Variants in RABGAP1L observed in about 807,000 individuals in gnomAD.
RABGAP1L encodes the protein rab GTPase-activating protein 1-like.
Under a neutral mutation model 137.7 loss-of-function variants are expected in RABGAP1L, and 63 were observed. That is an observed-to-expected ratio of 0.46 (90% CI 0.37 to 0.56). The LOEUF (loss-of-function observed/expected upper bound fraction) is 0.56. Ranked by LOEUF, RABGAP1L falls within the 20% of genes least tolerant of loss-of-function variation. The probability of loss-of-function intolerance (pLI) is 0.00; values close to 1 mark genes in which losing one functional copy is unlikely to be tolerated. For missense variants in RABGAP1L, 1,095 were observed against 1,244.0 expected (o/e 0.88, Z 1.80); for synonymous variants, 431 against 433.7 (o/e 0.99, Z 0.08).
At chr1:174,585,960 G>A (rs1298919723) in intron 13 of RABGAP1L, among the ~76,000 whole-genome samples, 1 of 152,196 alleles carries the variant, frequency 6.6e-6, no homozygotes. Context: ...GTGGAAGACA[G>A]TGTGGTGATT....
At chr1:174,799,264 A>G (rs1558089584) in intron 18 of RABGAP1L, among the ~76,000 whole-genome samples, 1 of 152,198 alleles carries the variant, frequency 6.6e-6, no homozygotes, top group African/African-American at 2.4e-5. Context: ...TTTGCATTGC[A>G]AAGAGTCATT....
Position 174,686,648 on chromosome 1 carries a change from CTT to C in RABGAP1L, c.1899+3078_1899+3079del, listed in dbSNP as rs533716511. On this transcript the variant is annotated intron_variant, in intron 15 of 25. Transcript: ENST00000681986. The stretch of plus-strand genomic sequence containing the variant: ...GAAGCTTTGGTTTGAACAAAGCAAT[CTT>C]TTTTTTTTTTTTTTTTTTTTTTTTT... 8.5e-3 allele frequency among the ~76,000 whole-genome samples: 904 copies of C among 105,788 alleles called. 104 individuals are homozygous for C. The highest frequency in any genetic ancestry group is 0.024 in the African/African-American group (830 of 35,286). The allele number at this position is 105,788 out of a possible 152,430, so 69.4% of individuals were successfully genotyped here.
chr1:174,454,072 G>A (rs938293732), intron 13 of RABGAP1L, among the ~76,000 whole-genome samples: 3 of 152,158 alleles, frequency 2.0e-5, no homozygotes, highest in Non-Finnish European at 2.9e-5. Context: ...AAGCCATCCC[G>A]GCCAAAATGG....
intron 2 of RABGAP1L, 26 bp downstream of exon 2, chr1:174,219,321 T>G: frequency 7.0e-7 from 1 of 1,423,908 alleles, no homozygotes; most frequent in Non-Finnish European, 9.4e-7. Flanking sequence ...CTACATATGG[T>G]ATAATTTTTA....
intron 3 of RABGAP1L, among the ~76,000 whole-genome samples, chr1:174,225,907 T>G (rs914285589): frequency 6.6e-6 from 1 of 152,112 alleles, no homozygotes; most frequent in Non-Finnish European, 1.5e-5. Flanking sequence ...CCTCTTTGCT[T>G]TGGTATTTTA....
intron 17 of RABGAP1L, among the ~76,000 whole-genome samples, chr1:174,747,782 T>C (rs946801672): frequency 3.9e-5 from 6 of 152,112 alleles, no homozygotes; most frequent in Non-Finnish European, 7.4e-5. Flanking sequence ...GGATTATCAT[T>C]ATTAATAATG....
Position 174,988,887 on chromosome 1 carries a change from T to A in RABGAP1L, c.3003+49T>A, listed in dbSNP as rs746348967. 46 of 1,472,264 alleles carry A rather than the reference T, an allele frequency of 3.1e-5. No individual in the cohort carries two copies. The South Asian group carries it at 5.9e-4, about 19-fold the overall frequency. 91.2% of individuals were successfully genotyped at this position (1,472,264 alleles called of 1,614,324 possible). On this transcript the variant is annotated intron_variant, in intron 25 of 25. Coordinates refer to ENST00000681986, the MANE Select transcript of RABGAP1L (RefSeq NM_001366446.1). The stretch of plus-strand genomic sequence containing the variant: ...AGAAGAAAGAATAAACAATTAATGG[T>A]CCAGGATACTCTAGTACTTCAGAAT...
intron 15 of RABGAP1L, among the ~76,000 whole-genome samples, chr1:174,692,551 T>G (rs1678947095): frequency 6.6e-6 from 1 of 152,178 alleles, no homozygotes; most frequent in Non-Finnish European, 1.5e-5. Context: ...GGGACATTCT[T>G]CCTAGTGATA....
chr1:174,430,371 A>T (rs2149194471), intron 13 of RABGAP1L, among the ~76,000 whole-genome samples: 1 of 151,986 alleles, frequency 6.6e-6, no homozygotes, highest in South Asian at 2.1e-4. Flanking sequence ...AAAAAAAAAA[A>T]ATTTTTTTTC....
intron 13 of RABGAP1L, among the ~76,000 whole-genome samples, chr1:174,551,019 T>TATATATATATATAC (rs1553330337): frequency 2.2e-4 from 26 of 116,002 alleles, no homozygotes; most frequent in African/African-American, 1.0e-3. Context: ...TATATATATA[T>TATATATATATATAC]ATACATACAC....
chr1:174,419,872 C>G (rs1418808039), intron 13 of RABGAP1L, among the ~76,000 whole-genome samples: 1 of 152,080 alleles, frequency 6.6e-6, no homozygotes, highest in Non-Finnish European at 1.5e-5. Flanking sequence ...TGGGTTTTGG[C>G]TGTCCGCTTT....
intron 7 of RABGAP1L, among the ~76,000 whole-genome samples, chr1:174,256,084 C>T (rs912253021): frequency 6.6e-6 from 1 of 152,306 alleles, no homozygotes; most frequent in East Asian, 1.9e-4. Flanking sequence ...TCCTTTCCCC[C>T]ACTCCAGTTC....
At chr1:174,769,876 A>C (rs1685979923) in intron 18 of RABGAP1L, among the ~76,000 whole-genome samples, 1 of 152,108 alleles carries the variant, frequency 6.6e-6, no homozygotes. Context: ...AGAAAAGCAA[A>C]AGACCTTGAA....
intron 13 of RABGAP1L, among the ~76,000 whole-genome samples, chr1:174,553,980 G>C (rs957425033): frequency 6.6e-6 from 1 of 152,084 alleles, no homozygotes; most frequent in Non-Finnish European, 1.5e-5. Context: ...GACAGAGTGA[G>C]ACCTTGTCTC....
At chr1:174,891,973 T>A (rs1359083619) in intron 19 of RABGAP1L, among the ~76,000 whole-genome samples, 1 of 152,248 alleles carries the variant, frequency 6.6e-6, no homozygotes, top group South Asian at 2.1e-4. Context: ...AAATAATTCC[T>A]GTTGTCTATA....
In RABGAP1L at chr1:174,274,642, A is replaced by T. The variant is rs894135400; in HGVS notation, c.1054-1191A>T. 2.8e-5 allele frequency among the ~76,000 whole-genome samples: 3 copies of T among 108,706 alleles called. No individual in the cohort carries two copies. The East Asian group carries it at 7.1e-4, about 26-fold the overall frequency. The allele number at this position is 108,706 out of a possible 152,430, so 71.3% of individuals were successfully genotyped here. On this transcript the variant is annotated intron_variant, in intron 8 of 25. Coordinates refer to ENST00000681986, the MANE Select transcript of RABGAP1L (RefSeq NM_001366446.1). ...TGTGTGTGTGTGTGTGTGTGTGTAGAGGAGAGAAAGAGACCATTATCATAT... is the reference window on the plus strand; with the variant it reads ...TGTGTGTGTGTGTGTGTGTGTGTAGTGGAGAGAAAGAGACCATTATCATAT...
chr1:174,382,906 C>A (rs1157343270), intron 12 of RABGAP1L, among the ~76,000 whole-genome samples: 2 of 151,458 alleles, frequency 1.3e-5, no homozygotes. Flanking sequence ...CTGTTTTTTC[C>A]CCATCTTTGT....
intron 11 of RABGAP1L, among the ~76,000 whole-genome samples, chr1:174,310,524 G>A (rs908849215): frequency 2.0e-5 from 3 of 152,122 alleles, no homozygotes; most frequent in Non-Finnish European, 2.9e-5. Context: ...TCTGTCCATT[G>A]CTGAAAGTGG....
intron 13 of RABGAP1L, among the ~76,000 whole-genome samples, chr1:174,514,266 A>AC (rs1180234273): frequency 1.3e-5 from 2 of 151,336 alleles, no homozygotes; most frequent in Admixed American, 1.3e-4. Context: ...AAAAAAAAAA[A>AC]AAAACTGGGG....
Sources: allele counts gnomAD v4.1 joint callset (sites outside exome capture counted in the v4.1 genomes callset), GRCh38; gene constraint gnomAD v4.1.1; transcripts MANE v1.5; gene names NCBI Gene and HGNC (gene_info 2026-07-23, HGNC 2026-07-21).